TLN2: variants seen among roughly 807,000 people sequenced by gnomAD.
TLN2 encodes the protein talin 2.
Under a neutral mutation model 294.7 loss-of-function variants are expected in TLN2, and 118 were observed. The observed-to-expected ratio is 0.40, with a 90% CI of 0.34 to 0.47. The LOEUF is 0.47. Among genes scored for constraint, TLN2 ranks in the 20% least tolerant of loss-of-function variants. The probability of loss-of-function intolerance (pLI) is 0.84; values close to 1 mark genes in which losing one functional copy is unlikely to be tolerated. For missense variants in TLN2, 3,083 were observed against 3,282.2 expected (o/e 0.94, Z 1.48); for synonymous variants, 1,431 against 1,304.5 (o/e 1.10, Z -2.09).
intron 3 of TLN2, among the ~76,000 whole-genome samples, 197 bp downstream of exon 3, chr15:62,618,672 T>A (rs2048513565): frequency 6.6e-6 from 1 of 152,192 alleles, no homozygotes; most frequent in South Asian, 2.1e-4. Flanking sequence ...ATGATTTCCT[T>A]CTTAAAAATG....
chr15:62,647,157 G>C, intron 3 of TLN2, 118 bp from the exon 4 acceptor site: 1 of 1,022,750 alleles, frequency 9.8e-7, no homozygotes, highest in South Asian at 1.7e-5. Context: ...TTTATTTGCT[G>C]TTTTATTCTC....
chr15:62,559,818 G>C (rs1027769224), intron 1 of TLN2, among the ~76,000 whole-genome samples: 1 of 152,086 alleles, frequency 6.6e-6, no homozygotes, highest in African/African-American at 2.4e-5. Context: ...CTCTTTTGGT[G>C]GGGGGGTGTG....
Position 62,702,747 on chromosome 15 carries a change from G to C in TLN2, c.1906-19G>C. 6.2e-7 allele frequency: 1 copy of C among 1,612,528 alleles called. No homozygotes were observed. The highest frequency in any genetic ancestry group is 2.2e-5 in the East Asian group (1 of 44,850). ...GAAATGCGTTTTCTTTCCAATTAAG[G>C]TGTGTTGTTTGTTCACAGCCTCGAC... On this transcript the variant is annotated intron_variant, in intron 18 of 58. Coordinates refer to ENST00000636159, the MANE Select transcript of TLN2 (RefSeq NM_015059.3).
Position 62,796,187 on chromosome 15 carries a change from G to A in TLN2, c.5944G>A (p.Ala1982Thr). 1.9e-6 allele frequency: 3 copies of A among 1,614,234 alleles called. No homozygotes were observed. The highest frequency in any genetic ancestry group is 2.5e-6 in the Non-Finnish European group (3 of 1,180,042). The change falls in exon 47 of 59, where the codon GCC becomes ACC. Residue 1982 changes from alanine (A) to threonine (T), a missense_variant. Transcript: ENST00000636159. ...GNKGTQACITAATAVSGIIAD... is the reference protein window; with the variant it reads ...GNKGTQACITTATAVSGIIAD... Reference sequence around the variant, plus strand: ...CAAAGGAACCCAGGCATGCATTACAGCCGCCACCGCTGTGTCTGGGATCAT... The same window carrying A: ...CAAAGGAACCCAGGCATGCATTACAACCGCCACCGCTGTGTCTGGGATCAT...
chr15:62,664,826 T>G (rs2054355122), intron 9 of TLN2, among the ~76,000 whole-genome samples: 1 of 96,790 alleles, frequency 1.0e-5, no homozygotes, highest in Admixed American at 1.7e-4. Flanking sequence ...ATCATTGTAC[T>G]CCAGCCTGGG....
In TLN2 at chr15:62,763,622, T is replaced by C. The variant is rs1163969133; in HGVS notation, c.5021T>C (p.Ile1674Thr). ...DYSIDGINRC[I>T]RDIEQASLAA... Reference sequence around the variant, plus strand: ...TCCATCGATGGCATCAACCGGTGCATCCGGGACATCGAGCAGGCCTCGCTG... The same window carrying C: ...TCCATCGATGGCATCAACCGGTGCACCCGGGACATCGAGCAGGCCTCGCTG... The change falls in exon 40 of 59, where the codon ATC becomes ACC. Residue 1674 changes from isoleucine (I) to threonine (T), a missense_variant. Coordinates refer to ENST00000636159, the MANE Select transcript of TLN2 (RefSeq NM_015059.3). 1 of 1,613,732 alleles carries C rather than the reference T, an allele frequency of 6.2e-7. No individual in the cohort carries two copies. The highest frequency in any genetic ancestry group is 8.5e-7 in the Non-Finnish European group (1 of 1,179,908).
rs761827140 is a variant in TLN2 at position 62,719,924 on chromosome 15, C to A, written c.2991+44C>A. On this transcript the variant is annotated intron_variant, in intron 25 of 58. Transcript: ENST00000636159. ...CCTTGGGCTCACTCAGAGCCCTCTT[C>A]TGGGCAGGGGCTGCCCTTTAAGGAG... 15 of 1,469,022 alleles carry A rather than the reference C, an allele frequency of 1.0e-5. No homozygotes were observed. In the South Asian group the frequency reaches 2.0e-4, roughly 19 times the overall value. 91.0% of individuals were successfully genotyped at this position (1,469,022 alleles called of 1,614,324 possible). A position where few individuals can be genotyped will look rare whatever the true frequency, so the allele number is the denominator to read the frequency against.
At chr15:62,402,322 C>T (rs1486367971) in intron 1 of TLN2, among the ~76,000 whole-genome samples, 2 of 152,202 alleles carry the variant, frequency 1.3e-5, no homozygotes, top group African/African-American at 2.4e-5. Flanking sequence ...CCAGCAAAAT[C>T]TGGACAAACT....
In TLN2 at chr15:62,709,402, G is replaced by A. The variant is rs1173453571; in HGVS notation, c.2467+606G>A. Among the ~76,000 whole-genome samples, 20 of 152,210 alleles carry A rather than the reference G, an allele frequency of 1.3e-4. 1 individual carries two copies. Among genetic ancestry groups the A allele is most frequent in the Admixed American group, 1.3e-3 (20 of 15,290 alleles). On this transcript the variant is annotated intron_variant, in intron 21 of 58. Transcript: ENST00000636159. ...TGGCCCTGGGGTGATCCACGCAGAGGAGCAGTGTCTCCTGGGTGTCTGGGC... is the reference window on the plus strand; with the variant it reads ...TGGCCCTGGGGTGATCCACGCAGAGAAGCAGTGTCTCCTGGGTGTCTGGGC...
chr15:62,680,103 A>G (rs1156528694), intron 11 of TLN2, among the ~76,000 whole-genome samples: 1 of 152,198 alleles, frequency 6.6e-6, no homozygotes, highest in Non-Finnish European at 1.5e-5. Flanking sequence ...AACATCAGAT[A>G]AATTCCCTTA....
intron 1 of TLN2, among the ~76,000 whole-genome samples, chr15:62,447,215 A>G (rs1488938383): frequency 6.6e-6 from 1 of 152,084 alleles, no homozygotes; most frequent in Non-Finnish European, 1.5e-5. Flanking sequence ...ACTTGAATGA[A>G]TGCAACTTGG....
intron 1 of TLN2, among the ~76,000 whole-genome samples, chr15:62,393,634 A>G (rs957897835): frequency 2.0e-4 from 30 of 152,208 alleles, no homozygotes; most frequent in Non-Finnish European, 3.2e-4. Flanking sequence ...CTATGCATCT[A>G]AATAGGTATT....
intron 1 of TLN2, among the ~76,000 whole-genome samples, chr15:62,574,904 C>G (rs572449219): frequency 6.6e-6 from 1 of 152,170 alleles, no homozygotes; most frequent in East Asian, 1.9e-4. Flanking sequence ...CTCACTTTCT[C>G]TGTTTATCTT....
chr15:62,676,396 C>A (rs868848971), intron 11 of TLN2, among the ~76,000 whole-genome samples: 1 of 152,162 alleles, frequency 6.6e-6, no homozygotes, highest in African/African-American at 2.4e-5. Context: ...ACATCAGTCA[C>A]CTTGTTTTTA....
chr15:62,647,589 A>G (rs2052036688), intron 4 of TLN2, 143 bp downstream of exon 4: 1 of 1,144,950 alleles, frequency 8.7e-7, no homozygotes, highest in Admixed American at 2.3e-5. Flanking sequence ...ATCAGACACT[A>G]CCTGCTTCCT....
At chr15:62,423,185 G>T (rs2034511934) in intron 1 of TLN2, among the ~76,000 whole-genome samples, 1 of 152,150 alleles carries the variant, frequency 6.6e-6, no homozygotes, top group Admixed American at 6.6e-5. Flanking sequence ...CTTGAGCTCA[G>T]GGGTTCAAAA....
chr15:62,787,778 C>T (rs1329962293), intron 45 of TLN2, among the ~76,000 whole-genome samples: 2 of 146,442 alleles, frequency 1.4e-5, no homozygotes, highest in African/African-American at 2.5e-5. Context: ...CTGCAACCTC[C>T]GCCACCGGGT....
chr15:62,536,131 C>G (rs1251531273), intron 1 of TLN2, among the ~76,000 whole-genome samples: 1 of 152,324 alleles, frequency 6.6e-6, no homozygotes, highest in African/African-American at 2.4e-5. Flanking sequence ...CCTAGCCCTT[C>G]TTTGCCATGT....
rs542260150 is a variant in TLN2 at position 62,739,476 on chromosome 15, C to G, written c.3816C>G (p.Ala1272=). 1.1e-5 allele frequency: 18 copies of G among 1,614,188 alleles called. No homozygotes were observed. The South Asian group carries it at 1.6e-4, about 15-fold the overall frequency. Residue 1272 remains alanine, a synonymous_variant, in exon 31 of 59, where the codon GCC becomes GCG. Coordinates refer to ENST00000636159, the MANE Select transcript of TLN2 (RefSeq NM_015059.3). ...GCCAGAGTGGAGAGTTGGCTGCAGC[C>G]TCTGGAAAGTTCAGTGATGATTTTG... ...TRGQSGELAA[A]SGKFSDDFDE...
Sources: allele counts gnomAD v4.1 joint callset (sites outside exome capture counted in the v4.1 genomes callset), GRCh38; gene constraint gnomAD v4.1.1; transcripts MANE v1.5; gene names NCBI Gene and HGNC (gene_info 2026-07-23, HGNC 2026-07-21).